The following PCDHGC4 variants were observed in gnomAD, a reference collection of about 807,000 sequenced individuals.
PCDHGC4 encodes the protein protocadherin gamma-C4.
In PCDHGC4, 15 loss-of-function variants were observed where a neutral mutation model predicts 59.7. The observed-to-expected ratio is 0.25, with a 90% CI of 0.17 to 0.39. The LOEUF is 0.39. PCDHGC4 is among the 10% of genes least tolerant of loss of function. The pLI is 1.00. For missense variants in PCDHGC4, 1,016 were observed against 1,189.5 expected (o/e 0.85, Z 2.15); for synonymous variants, 434 against 481.4 (o/e 0.90, Z 1.29).
intron 3 of PCDHGC4, chr5:141,507,213 G>C (rs1016967764): frequency 6.6e-6 from 1 of 152,558 alleles, no homozygotes; most frequent in African/African-American, 2.4e-5. Context: ...AGGGTTGCCA[G>C]ATAAAATACA....
Position 141,489,662 on chromosome 5 carries a change from G to T in PCDHGC4, c.2442+2047G>T, listed in dbSNP as rs2233601. On this transcript the variant is annotated intron_variant, in intron 1 of 3. Transcript: ENST00000306593. The surrounding 1 kb of genome is among the most constrained non-coding windows in gnomAD (Gnocchi z 4.5). Reference sequence around the variant, plus strand: ...TTTGCCACCCCTGAGCGAGAGATGCGCATCTCAGAATCAGCAGCATCTGGG... The same window carrying T: ...TTTGCCACCCCTGAGCGAGAGATGCTCATCTCAGAATCAGCAGCATCTGGG... 2.5e-6 allele frequency: 4 copies of T among 1,614,024 alleles called. No homozygotes were observed. The African/African-American group carries it at 4.0e-5, about 16-fold the overall frequency.
intron 3 of PCDHGC4, 85 bp from the exon 4 acceptor site, chr5:141,510,862 C>A: frequency 6.2e-7 from 1 of 1,606,772 alleles, no homozygotes. Context: ...GCTGTATAGG[C>A]ATTCATTAAC....
At chr5:141,501,290 TACACACACACACACACACACACACAC>T (rs55762287) in intron 2 of PCDHGC4, among the ~76,000 whole-genome samples, 1 of 136,164 alleles carries the variant, frequency 7.3e-6, no homozygotes, top group Non-Finnish European at 1.6e-5. Flanking sequence ...TATTCCCTTA[TACACACACACACACACACACACACAC>T]ACACACACAC....
chr5:141,505,676 C>A (rs1308943385), intron 3 of PCDHGC4, among the ~76,000 whole-genome samples, 195 bp downstream of exon 3: 1 of 152,060 alleles, frequency 6.6e-6, no homozygotes, highest in South Asian at 2.1e-4. Context: ...GGTTGGGGGT[C>A]CTGGGATGCC....
intron 2 of PCDHGC4, among the ~76,000 whole-genome samples, chr5:141,496,352 G>A (rs2099768243): frequency 2.0e-5 from 3 of 152,200 alleles, no homozygotes; most frequent in South Asian, 2.1e-4. Context: ...GAGTCTCAGA[G>A]CCCAGGGAGA....
chr5:141,507,578 C>T (rs1268451710), intron 3 of PCDHGC4, among the ~76,000 whole-genome samples: 1 of 152,220 alleles, frequency 6.6e-6, no homozygotes, highest in East Asian at 1.9e-4. Context: ...GAGGAGATGC[C>T]AAGTTGGCCT....
In PCDHGC4 at chr5:141,487,930, G is replaced by T; in HGVS notation, c.2442+315G>T. On this transcript the variant is annotated intron_variant, in intron 1 of 3. Coordinates refer to ENST00000306593, the MANE Select transcript of PCDHGC4 (RefSeq NM_018928.3). This position sits in a 1 kb window ranked among gnomAD's most constrained non-coding sequence, Gnocchi z 5.0. Reference sequence around the variant, plus strand: ...GAGCACAGGAGGCTACAGTGCACAGGGTACAGTGCACCAGGCAGTCACTTG... The same window carrying T: ...GAGCACAGGAGGCTACAGTGCACAGTGTACAGTGCACCAGGCAGTCACTTG... 2 of 613,220 alleles carry T rather than the reference G, an allele frequency of 3.3e-6. No homozygotes were observed. Among genetic ancestry groups the T allele is most frequent in the African/African-American group, 1.8e-5 (1 of 54,186 alleles). 38.0% of individuals were successfully genotyped at this position (613,220 alleles called of 1,614,324 possible).
intron 3 of PCDHGC4, among the ~76,000 whole-genome samples, chr5:141,506,923 C>G: frequency 6.6e-6 from 1 of 152,184 alleles, no homozygotes; most frequent in African/African-American, 2.4e-5. Flanking sequence ...ACATACTAAA[C>G]AAACTTTAGG....
Position 141,493,435 on chromosome 5 carries a change from G to T in PCDHGC4, c.2443-1372G>T, listed in dbSNP as rs150678406. On this transcript the variant is annotated intron_variant, in intron 1 of 3. Coordinates refer to ENST00000306593, the MANE Select transcript of PCDHGC4 (RefSeq NM_018928.3). The surrounding 1 kb of genome is among the most constrained non-coding windows in gnomAD (Gnocchi z 4.3). ...TGGGATTTTGCTTCTGCTGGGATGG[G>T]GCAAGGGTGGGGTTCCTTCCCTTTT... Among the ~76,000 whole-genome samples the T allele has an allele frequency of 6.6e-5, 10 of 152,294 alleles. No individual in the cohort carries two copies. In the East Asian group the frequency reaches 1.7e-3, roughly 26 times the overall value.
At chr5:141,497,101 G>A (rs1465038195) in intron 2 of PCDHGC4, among the ~76,000 whole-genome samples, 1 of 152,042 alleles carries the variant, frequency 6.6e-6, no homozygotes, top group African/African-American at 2.4e-5. Flanking sequence ...AGGCAGAACT[G>A]CTTGAACCCG....
rs2099692694 is a variant in PCDHGC4, at chr5:141,489,817, GAGCTGGTGCTAGAGCAGC to G, written c.2442+2209_2442+2226del. On this transcript the variant is annotated intron_variant, in intron 1 of 3. Transcript: ENST00000306593. This position sits in a 1 kb window ranked among gnomAD's most constrained non-coding sequence, Gnocchi z 4.5. ...CCTAAAAGATGGGAAGCCATTCCCA[GAGCTGGTGCTAGAGCAGC>G]AGCTGGATCGTGAAGCCCAGGCAAG... 6 of 1,613,992 alleles carry G rather than the reference GAGCTGGTGCTAGAGCAGC, an allele frequency of 3.7e-6. No individual in the cohort carries two copies. Among genetic ancestry groups the G allele is most frequent in the Non-Finnish European group, 5.1e-6 (6 of 1,179,944 alleles).
At chr5:141,494,922 C>T (rs1401836511) in intron 2 of PCDHGC4, 57 bp downstream of exon 2, 23 of 1,613,670 alleles carry the variant, frequency 1.4e-5, no homozygotes, top group Non-Finnish European at 1.9e-5. Flanking sequence ...TCAGGGATGA[C>T]GTGGGAGGAG....
intron 1 of PCDHGC4, among the ~76,000 whole-genome samples, chr5:141,492,886 C>A (rs1479930324): frequency 6.6e-6 from 1 of 152,178 alleles, no homozygotes; most frequent in African/African-American, 2.4e-5. Context: ...GAGATACAGG[C>A]TTTTGGCGCC....
At chr5:141,498,632 A>G (rs2099784830) in intron 2 of PCDHGC4, among the ~76,000 whole-genome samples, 1 of 152,118 alleles carries the variant, frequency 6.6e-6, no homozygotes, top group South Asian at 2.1e-4. Context: ...CACTGCCTAG[A>G]CAGAAGGAAG....
chr5:141,498,805 C>T (rs1397026274), intron 2 of PCDHGC4, among the ~76,000 whole-genome samples: 1 of 152,000 alleles, frequency 6.6e-6, no homozygotes, highest in Non-Finnish European at 1.5e-5. Flanking sequence ...TGGTGGTGCA[C>T]ACCTGTAGTC....
At chr5:141,496,400 A>G (rs540108338) in intron 2 of PCDHGC4, among the ~76,000 whole-genome samples, 2 of 152,240 alleles carry the variant, frequency 1.3e-5, no homozygotes, top group East Asian at 3.9e-4. Flanking sequence ...TACCTCCTCA[A>G]TGGTTGAGTA....
chr5:141,506,025 A>T (rs2099850088), intron 3 of PCDHGC4, among the ~76,000 whole-genome samples: 1 of 152,150 alleles, frequency 6.6e-6, no homozygotes, highest in African/African-American at 2.4e-5. Context: ...CCCTAACTCC[A>T]GAGTAGGATT....
Position 141,487,562 on chromosome 5 carries a change from G to C in PCDHGC4, c.2389G>C (p.Gly797Arg). The stretch of plus-strand genomic sequence containing the variant: ...GAAGTCACCCAGTGCACCTATGGCA[G>C]GGGAGCCTGTTCGCCCAAGCTGCCC... ...MVKSPSAPMA[G>R]EPVRPSCPPS... The change falls in exon 1 of 4, where the codon GGG becomes CGG. Residue 797 changes from glycine to arginine, a missense_variant. Coordinates refer to ENST00000306593, the MANE Select transcript of PCDHGC4 (RefSeq NM_018928.3). The surrounding 1 kb of genome is among the most constrained non-coding windows in gnomAD (Gnocchi z 5.0). The C allele has an allele frequency of 6.2e-7, 1 of 1,614,178 alleles. No homozygotes were observed.
At chr5:141,508,718 G>T (rs2099871076) in intron 3 of PCDHGC4, among the ~76,000 whole-genome samples, 1 of 151,852 alleles carries the variant, frequency 6.6e-6, no homozygotes, top group Non-Finnish European at 1.5e-5. Flanking sequence ...TTTTCTGTGT[G>T]CAGGGAGACT....
Sources: gnomAD v4.1 joint callset for allele counts (sites outside exome capture counted in the v4.1 genomes callset) on GRCh38, gnomAD v4.1.1 for gene constraint, Gnocchi (gnomAD v3.1) non-coding constraint, MANE v1.5 for transcripts, NCBI Gene and HGNC (gene_info 2026-07-23, HGNC 2026-07-21) for gene names.